The following WDR1 variants were observed in gnomAD, a reference collection of about 807,000 sequenced individuals.
WDR1 encodes the protein WD repeat domain 1.
A neutral mutation model predicts 71.9 loss-of-function variants in WDR1; 21 were observed. The ratio of observed to expected loss-of-function variants is 0.29; its 90% CI spans 0.21 to 0.42. The LOEUF (loss-of-function observed/expected upper bound fraction) is 0.42, where lower values mean the gene tolerates loss of function less well. Ranked by LOEUF, WDR1 falls within the 10% of genes least tolerant of loss-of-function variation. The pLI is 1.00. For synonymous variants in WDR1, 424 were observed against 347.4 expected (o/e 1.22, Z -2.45); for missense variants, 696 against 824.5 (o/e 0.84, Z 1.91).
At chr4:10,085,001 T>G (rs1200271764) in intron 8 of WDR1, among the ~76,000 whole-genome samples, 1 of 152,250 alleles carries the variant, frequency 6.6e-6, no homozygotes, top group Admixed American at 6.5e-5. Flanking sequence ...CTGGCCCTGC[T>G]GAGGGCAGGG....
At position 10,075,645 on chromosome 4, in the gene WDR1, G is replaced by C. The variant is rs373587917; in HGVS notation, c.1715-161C>G. On this transcript the variant is annotated intron_variant, in intron 14 of 14. Transcript: ENST00000499869. The stretch of plus-strand genomic sequence containing the variant: ...AGGAGCCTGGCACGGTGGCAGTGTG[G>C]CTGAATTCTCCACGTGACACTCCTG... The C allele has an allele frequency of 9.0e-5, 61 of 674,796 alleles. No individual in the cohort carries two copies. The African/African-American group carries it at 9.7e-4, about 11-fold the overall frequency. 41.8% of individuals were successfully genotyped at this position (674,796 alleles called of 1,614,324 possible). A position where few individuals can be genotyped will look rare whatever the true frequency, so the allele number is the denominator to read the frequency against.
At chr4:10,083,347 G>T (rs1765088321) in intron 9 of WDR1, among the ~76,000 whole-genome samples, 169 bp from the exon 10 acceptor site, 1 of 152,098 alleles carries the variant, frequency 6.6e-6, no homozygotes, top group South Asian at 2.1e-4. Flanking sequence ...ACGTTCTTAG[G>T]AAGGGGTATC....
chr4:10,113,494 G>A (rs1055702634), intron 2 of WDR1, among the ~76,000 whole-genome samples: 1 of 152,238 alleles, frequency 6.6e-6, no homozygotes, highest in Non-Finnish European at 1.5e-5. Flanking sequence ...AAGGAGGCAA[G>A]AACGCTGGAG....
chr4:10,087,659 C>A, intron 8 of WDR1, 48 bp downstream of exon 8: 2 of 1,514,188 alleles, frequency 1.3e-6, no homozygotes, highest in South Asian at 2.6e-5. Context: ...ACTCTGGTCT[C>A]TTCCCTGTCC....
chr4:10,084,560 C>T (rs988224721), intron 8 of WDR1, 30 bp from the exon 9 acceptor site: 6 of 1,606,708 alleles, frequency 3.7e-6, no homozygotes, highest in Non-Finnish European at 5.1e-6. Context: ...GGCGGGTAAG[C>T]TGATGACACA....
At chr4:10,111,725 C>A (rs141527595) in intron 2 of WDR1, among the ~76,000 whole-genome samples, 1 of 152,136 alleles carries the variant, frequency 6.6e-6, no homozygotes, top group Non-Finnish European at 1.5e-5. Context: ...GCAGGAAACA[C>A]AGGTGAGTCC....
chr4:10,077,666 G>A, intron 13 of WDR1, 87 bp downstream of exon 13: 4 of 1,474,390 alleles, frequency 2.7e-6, no homozygotes, highest in South Asian at 2.8e-5. Flanking sequence ...GACAGGCTCA[G>A]CTCAAGGTCA....
intron 11 of WDR1, among the ~76,000 whole-genome samples, chr4:10,080,062 C>G (rs1237992674): frequency 2.6e-5 from 4 of 152,162 alleles, no homozygotes; most frequent in Non-Finnish European, 5.9e-5. Flanking sequence ...CAGGTAACAG[C>G]AGATCACAGA....
In WDR1 at chr4:10,078,953, C is replaced by T. The variant is rs540604733; in HGVS notation, c.1333G>A (p.Gly445Ser). The stretch of plus-strand genomic sequence containing the variant: ...ACTGCCACAACTTCGGGCTCGTAGC[C>T]GGGGTTGTCGATGCTGAAGCACTTC... ...QRKCFSIDNPGYEPEVVAVHP... is the reference protein window; with the variant it reads ...QRKCFSIDNPSYEPEVVAVHP... The change falls in exon 12 of 15, where the codon GGC becomes AGC. Residue 445 changes from glycine (G) to serine (S), a missense_variant. By Grantham distance (56) the Gly-to-Ser change is moderately conservative. Coordinates refer to ENST00000499869, the MANE Select transcript of WDR1 (RefSeq NM_017491.5). The T allele has an allele frequency of 1.4e-5, 22 of 1,612,704 alleles. No homozygotes were observed. The highest frequency in any genetic ancestry group is 3.3e-5 in the South Asian group (3 of 90,906).
At chr4:10,098,909 G>T in intron 4 of WDR1, 83 bp downstream of exon 4, 1 of 1,581,052 alleles carries the variant, frequency 6.3e-7, no homozygotes, top group South Asian at 1.2e-5. Context: ...ACAGACATCA[G>T]CGCATCCCCC....
intron 5 of WDR1, chr4:10,095,905 G>A (rs1712322134): frequency 6.6e-6 from 1 of 152,450 alleles, no homozygotes; most frequent in Non-Finnish European, 1.5e-5. Context: ...CCATGGTTGT[G>A]GGTTCCACAA....
At position 10,087,811 on chromosome 4, in the gene WDR1, G is replaced by A; in HGVS notation, c.847C>T (p.Leu283=). 2 of 1,593,154 alleles carry A rather than the reference G, an allele frequency of 1.3e-6. No homozygotes were observed. The highest frequency in any genetic ancestry group is 1.7e-6 in the Non-Finnish European group (2 of 1,169,422). Residue 283 remains leucine (L), a synonymous_variant, in exon 8 of 15, where the codon CTG becomes TTG. Coordinates refer to ENST00000499869, the MANE Select transcript of WDR1 (RefSeq NM_017491.5). The part of the protein sequence containing the change: ...PMGSTVLDQQ[L]GCLWQKDHLL... ...TGGTCCTTCTGCCATAGGCAGCCCA[G>A]CTGCTGGTCCAGAACCGTGGAGCCC...
chr4:10,096,609 AAC>A (rs1227158395), intron 5 of WDR1: 1 of 152,260 alleles, frequency 6.6e-6, no homozygotes, highest in East Asian at 1.9e-4. Flanking sequence ...CTAAGCCAAG[AAC>A]AGTCTCTGGA....
At chr4:10,080,001 T>A (rs1346625764) in intron 11 of WDR1, among the ~76,000 whole-genome samples, 1 of 151,994 alleles carries the variant, frequency 6.6e-6, no homozygotes, top group Non-Finnish European at 1.5e-5. Context: ...GACAGGGAGC[T>A]CTGCAGAAAA....
intron 5 of WDR1, among the ~76,000 whole-genome samples, chr4:10,095,671 C>G (rs917792030): frequency 6.6e-6 from 1 of 152,186 alleles, no homozygotes; most frequent in African/African-American, 2.4e-5. Flanking sequence ...CCTTCCTGTC[C>G]TTCCTATGCG....
At chr4:10,097,943 C>T in intron 4 of WDR1, 52 bp from the exon 5 acceptor site, 3 of 1,391,934 alleles carry the variant, frequency 2.2e-6, no homozygotes, top group Non-Finnish European at 1.9e-6. Context: ...AAAATCAATC[C>T]CAGAAGGCTG....
chr4:10,080,013 T>G (rs1764952061), intron 11 of WDR1, among the ~76,000 whole-genome samples: 1 of 152,030 alleles, frequency 6.6e-6, no homozygotes, highest in Non-Finnish European at 1.5e-5. Context: ...TGCAGAAAAT[T>G]CTGACCCAGA....
chr4:10,105,587 T>A (rs1293196308), intron 2 of WDR1, among the ~76,000 whole-genome samples: 2 of 151,948 alleles, frequency 1.3e-5, no homozygotes, highest in African/African-American at 4.8e-5. Context: ...CCATACTCAC[T>A]AGAATCAATA....
At chr4:10,088,045 G>T in intron 7 of WDR1, 105 bp from the exon 8 acceptor site, 1 of 1,163,704 alleles carries the variant, frequency 8.6e-7, no homozygotes, top group Non-Finnish European at 1.2e-6. Context: ...GACAGAAGGA[G>T]CCCAGAGAGA....
Sources: gnomAD v4.1 joint callset for allele counts (sites outside exome capture counted in the v4.1 genomes callset) on GRCh38, gnomAD v4.1.1 for gene constraint, MANE v1.5 for transcripts, NCBI Gene and HGNC (gene_info 2026-07-23, HGNC 2026-07-21) for gene names.